Variants in DCAF8L2 observed in about 807,000 individuals in gnomAD.
DCAF8L2 encodes DDB1 and CUL4 associated factor 8 like 2.
For synonymous variants in DCAF8L2, 200 were observed against 190.9 expected, an observed-to-expected ratio of 1.05 and a Z score of -0.39; for missense variants, 430 against 490.7, an observed-to-expected ratio of 0.88 and a Z score of 1.17.
intron 3 of DCAF8L2, among the ~76,000 whole-genome samples, chrX:27,688,290 C>T (rs1410537193): frequency 1.8e-5 from 2 of 111,643 alleles, no homozygotes; most frequent in Non-Finnish European, 3.8e-5. Context: ...TCCAATCTCT[C>T]CTCTTCATTT....
chrX:27,487,351 G>A, the DCAF8L2 span, among the ~76,000 whole-genome samples: 1 of 111,570 alleles, frequency 9.0e-6, no homozygotes, highest in South Asian at 3.7e-4. Flanking sequence ...GCATGATCTC[G>A]GCACACTGCA....
chrX:27,540,044 C>T, the DCAF8L2 span, among the ~76,000 whole-genome samples: 1 of 110,633 alleles, frequency 9.0e-6, no homozygotes, highest in Non-Finnish European at 1.9e-5. Flanking sequence ...ATCACTGTTA[C>T]TACTTCTCTT....
At chrX:27,563,319 T>C in the DCAF8L2 span, among the ~76,000 whole-genome samples, 5 of 112,035 alleles carry the variant, frequency 4.5e-5, no homozygotes, top group Non-Finnish European at 9.4e-5. Flanking sequence ...AATTTAGGTA[T>C]TGTTTAAAAT....
intron 2 of DCAF8L2, among the ~76,000 whole-genome samples, chrX:27,640,985 G>A (rs1259231633): frequency 9.0e-6 from 1 of 111,243 alleles, no homozygotes; most frequent in Non-Finnish European, 1.9e-5. Flanking sequence ...TTTATAGAAG[G>A]GCTTGAAAAT....
chrX:27,686,875 A>C (rs189247803), intron 3 of DCAF8L2, among the ~76,000 whole-genome samples: 1 of 112,502 alleles, frequency 8.9e-6, no homozygotes, highest in East Asian at 2.8e-4. Context: ...ATCTCTGATC[A>C]TCAAGCATTA....
the DCAF8L2 span, among the ~76,000 whole-genome samples, chrX:27,551,989 A>G: frequency 8.9e-6 from 1 of 111,948 alleles, no homozygotes; most frequent in Admixed American, 9.5e-5. Context: ...CATCTTTGCC[A>G]GTGTTTGTTA....
rs1427407179 is a variant in DCAF8L2, at chrX:27,748,270, T to C, written c.1375T>C (p.Tyr459His). The change falls in exon 5 of 5, where the codon TAC (tyrosine) becomes CAC (histidine). Residue 459 changes from tyrosine to histidine, a missense_variant. By Grantham distance (83) the Tyr-to-His change is moderately conservative (BLOSUM62 2). Transcript: ENST00000451261. ...CTCCTCTCACAGTGATGGTGCTCAA[T>C]ACAGTAAGAGATTTAAGGGACACAG... ...FNSSHSDGAQ[Y>H]SKRFKGHRNN... 24 of 1,211,394 alleles carry C rather than the reference T, an allele frequency of 2.0e-5. No homozygotes were observed. The highest frequency in any genetic ancestry group is 2.3e-5 in the Non-Finnish European group (21 of 895,205).
intron 4 of DCAF8L2, 54 bp from the exon 5 acceptor site, chrX:27,746,784 C>A: frequency 1.4e-6 from 1 of 689,740 alleles, no homozygotes; most frequent in Non-Finnish European, 2.1e-6. Flanking sequence ...GATTGCCACG[C>A]GCTTACTTCC....
At chrX:27,726,577 T>A (rs757759318) in intron 4 of DCAF8L2, among the ~76,000 whole-genome samples, 109 of 111,367 alleles carry the variant, frequency 9.8e-4, no homozygotes, top group Non-Finnish European at 9.3e-4. Flanking sequence ...GGCCCCATCA[T>A]ACTCCCTCCC....
chrX:27,622,013 A>T (rs1390261147), intron 1 of DCAF8L2, among the ~76,000 whole-genome samples: 1 of 110,148 alleles, frequency 9.1e-6, no homozygotes, highest in Non-Finnish European at 1.9e-5. Context: ...CAACAAAAAA[A>T]AAAGATGTTA....
chrX:27,489,201 C>G, the DCAF8L2 span, among the ~76,000 whole-genome samples: 1 of 111,718 alleles, frequency 9.0e-6, no homozygotes, highest in South Asian at 3.8e-4. Context: ...GGGTTCACCC[C>G]ATTCTCCTGC....
At chrX:27,517,795 G>A in the DCAF8L2 span, 1 of 1,121,622 alleles carries the variant, frequency 8.9e-7, no homozygotes, top group Non-Finnish European at 1.2e-6. Context: ...CGATACACAG[G>A]TTTGTATTGC....
the DCAF8L2 span, among the ~76,000 whole-genome samples, chrX:27,491,894 G>A: frequency 1.8e-5 from 2 of 111,808 alleles, no homozygotes; most frequent in Non-Finnish European, 3.8e-5. Flanking sequence ...TAGAGAAATG[G>A]AATTAAAATT....
At chrX:27,658,848 C>G (rs1243219341) in intron 2 of DCAF8L2, among the ~76,000 whole-genome samples, 2 of 110,848 alleles carry the variant, frequency 1.8e-5, no homozygotes, top group East Asian at 5.7e-4. Flanking sequence ...GGGATAAAAT[C>G]TACCTATATT....
chrX:27,700,453 A>AT (rs773468861), intron 3 of DCAF8L2, among the ~76,000 whole-genome samples: 10 of 110,676 alleles, frequency 9.0e-5, no homozygotes, highest in African/African-American at 2.6e-4. Flanking sequence ...TGCCCTTAAT[A>AT]TTTTTTTTCT....
At chrX:27,644,617 G>T (rs1928870114) in intron 2 of DCAF8L2, among the ~76,000 whole-genome samples, 1 of 111,177 alleles carries the variant, frequency 9.0e-6, no homozygotes, top group Non-Finnish European at 1.9e-5. Flanking sequence ...AGGAGCCATA[G>T]ATCTATGAAG....
rs1321871420 is a variant in DCAF8L2, at chrX:27,746,951, T to G, written c.56T>G (p.Leu19Arg). 12 of 1,202,368 alleles carry G rather than the reference T, an allele frequency of 1.0e-5. No individual in the cohort carries two copies. Among genetic ancestry groups the G allele is most frequent in the Non-Finnish European group, 1.1e-5 (10 of 892,249 alleles). Residue 19 changes from leucine to arginine, a missense_variant, in exon 5 of 5, where the codon CTG becomes CGG. By Grantham distance (102) the Leu-to-Arg change is moderately radical. Coordinates refer to ENST00000451261, the MANE Select transcript of DCAF8L2 (RefSeq NM_001353450.2). The stretch of plus-strand genomic sequence containing the variant: ...TTACCAGACTTAGGGACTGAAAGCC[T>G]GTTCAGCAGCCCAGAGGAGCAGTCT... ...DGLPDLGTES[L>R]FSSPEEQSGA...
the DCAF8L2 span, among the ~76,000 whole-genome samples, chrX:27,556,355 G>A: frequency 9.0e-6 from 1 of 111,525 alleles, no homozygotes; most frequent in East Asian, 2.8e-4. Context: ...TATGATGTAT[G>A]TACCAGCATT....
intron 1 of DCAF8L2, among the ~76,000 whole-genome samples, chrX:27,597,570 A>G (rs770557936): frequency 1.8e-5 from 2 of 112,038 alleles, no homozygotes; most frequent in East Asian, 5.6e-4. Flanking sequence ...TATAAAAGTA[A>G]TGAATGTTTT....
Sources: allele counts gnomAD v4.1 joint callset (sites outside exome capture counted in the v4.1 genomes callset), GRCh38; gene constraint gnomAD v4.1.1; transcripts MANE v1.5; gene names NCBI Gene and HGNC (gene_info 2026-07-23, HGNC 2026-07-21).